The following NOX4 variants were observed in gnomAD, a reference collection of about 807,000 sequenced individuals.
The protein encoded by NOX4 is NADPH oxidase 4.
A neutral mutation model predicts 87.6 loss-of-function variants in NOX4; 69 were observed. The observed-to-expected ratio is 0.79, with a 90% CI of 0.65 to 0.96. NOX4 has a LOEUF of 0.96. NOX4 is among the 40% of genes least tolerant of loss of function. The pLI is 0.00. For synonymous variants in NOX4, 275 were observed against 238.2 expected (o/e 1.15, Z -1.42); for missense variants, 680 against 681.5 (o/e 1.00, Z 0.02).
chr11:89,393,716 A>T (rs970831421), intron 11 of NOX4, among the ~76,000 whole-genome samples: 1 of 152,158 alleles, frequency 6.6e-6, no homozygotes, highest in Non-Finnish European at 1.5e-5. Context: ...TAATATTGAC[A>T]ATATCAAAGA....
At chr11:89,346,960 A>C (rs894064649) in intron 13 of NOX4, among the ~76,000 whole-genome samples, 18 of 152,212 alleles carry the variant, frequency 1.2e-4, no homozygotes, top group Non-Finnish European at 5.9e-5. Context: ...TGCAAACATC[A>C]GTAGCATTAG....
intron 7 of NOX4, among the ~76,000 whole-genome samples, chr11:89,430,794 G>C (rs555321166): frequency 6.6e-6 from 1 of 152,290 alleles, no homozygotes; most frequent in South Asian, 2.1e-4. Context: ...GTAATTTATA[G>C]ATTCAGTTGC....
the NOX4 span, among the ~76,000 whole-genome samples, chr11:89,514,422 G>A: frequency 6.6e-6 from 1 of 151,842 alleles, no homozygotes; most frequent in African/African-American, 2.4e-5. Context: ...TTCAATATAT[G>A]TAATCAACTA....
At chr11:89,507,511 A>C in the NOX4 span, among the ~76,000 whole-genome samples, 1 of 151,594 alleles carries the variant, frequency 6.6e-6, no homozygotes, top group Non-Finnish European at 1.5e-5. Flanking sequence ...AGACTTACAT[A>C]ATATATATTG....
chr11:89,541,760 A>G, the NOX4 span, among the ~76,000 whole-genome samples: 2 of 152,240 alleles, frequency 1.3e-5, no homozygotes, highest in African/African-American at 4.8e-5. Flanking sequence ...AAGAATAAGT[A>G]AACGTCATTT....
At chr11:89,583,816 C>G in the NOX4 span, among the ~76,000 whole-genome samples, 2 of 152,094 alleles carry the variant, frequency 1.3e-5, no homozygotes, top group Non-Finnish European at 2.9e-5. Context: ...TTCCAAGGTT[C>G]ACATCTTTGT....
chr11:89,475,691 T>C (rs554780870), intron 2 of NOX4, among the ~76,000 whole-genome samples: 61 of 151,920 alleles, frequency 4.0e-4, no homozygotes, highest in Non-Finnish European at 8.1e-4. Context: ...TACAATAGAA[T>C]AGGAACAGGG....
intron 11 of NOX4, among the ~76,000 whole-genome samples, chr11:89,390,264 G>C (rs1213234781): frequency 6.6e-6 from 1 of 152,162 alleles, no homozygotes; most frequent in African/African-American, 2.4e-5. Context: ...GTAGCAGCAA[G>C]TTTGCCTATT....
chr11:89,512,905 C>T, the NOX4 span, among the ~76,000 whole-genome samples: 1 of 152,186 alleles, frequency 6.6e-6, no homozygotes, highest in East Asian at 1.9e-4. Context: ...TTGTGCACCA[C>T]TGTATGAGTA....
At chr11:89,538,101 CTT>C in the NOX4 span, among the ~76,000 whole-genome samples, 1 of 152,174 alleles carries the variant, frequency 6.6e-6, no homozygotes, top group Non-Finnish European at 1.5e-5. Flanking sequence ...TAACATGTCT[CTT>C]AGCATGGACT....
chr11:89,366,571 G>C (rs1027313544), intron 12 of NOX4, among the ~76,000 whole-genome samples: 3 of 151,782 alleles, frequency 2.0e-5, no homozygotes, highest in Non-Finnish European at 4.4e-5. Context: ...AGTTACTCAG[G>C]AGGCTGACAT....
At chr11:89,475,644 G>A (rs1277434428) in intron 2 of NOX4, among the ~76,000 whole-genome samples, 4 of 152,196 alleles carry the variant, frequency 2.6e-5, no homozygotes, top group South Asian at 2.1e-4. Context: ...AATAGGTTAG[G>A]ATGAGATGGA....
At chr11:89,535,657 T>C in the NOX4 span, among the ~76,000 whole-genome samples, 13 of 152,002 alleles carry the variant, frequency 8.6e-5, no homozygotes, top group Non-Finnish European at 1.8e-4. Flanking sequence ...CTTCCAGACA[T>C]AGGCACTGTG....
At chr11:89,510,905 C>T in the NOX4 span, among the ~76,000 whole-genome samples, 3 of 152,026 alleles carry the variant, frequency 2.0e-5, no homozygotes, top group African/African-American at 7.2e-5. Context: ...TGTAGTACAT[C>T]CTCCTCAGTA....
At position 89,405,697 on chromosome 11, in the gene NOX4, C is replaced by T. The variant is rs1473453033; in HGVS notation, c.630-3155G>A. Among the ~76,000 whole-genome samples, 27 of 146,548 alleles carry T rather than the reference C, an allele frequency of 1.8e-4. 1 individual carries two copies. In the Admixed American group the frequency reaches 1.9e-3, roughly 10 times the overall value. ...TTAGGTGGTGAAGGTACTGAAAGTT[C>T]ACTGGAAGGCAGGTTTTTAACTCAG... is the stretch of plus-strand genomic sequence containing the variant. On this transcript the variant is annotated intron_variant, in intron 8 of 17. Coordinates refer to ENST00000263317, the MANE Select transcript of NOX4 (RefSeq NM_016931.5).
the NOX4 span, among the ~76,000 whole-genome samples, chr11:89,568,002 C>G: frequency 2.1e-4 from 32 of 152,312 alleles, no homozygotes; most frequent in African/African-American, 7.0e-4. Flanking sequence ...TATCAGAGTA[C>G]TGGTGCTTGT....
chr11:89,544,304 G>A, the NOX4 span, among the ~76,000 whole-genome samples: 21 of 151,904 alleles, frequency 1.4e-4, no homozygotes, highest in Admixed American at 3.9e-4. Context: ...CCCATTTTAC[G>A]TGTTTATTTA....
chr11:89,329,346 G>C (rs1403470186), intron 17 of NOX4, among the ~76,000 whole-genome samples: 1 of 45,554 alleles, frequency 2.2e-5, no homozygotes, highest in Admixed American at 2.5e-4. Flanking sequence ...AGCCCACAGA[G>C]AAAAAAACTG....
chr11:89,439,904 C>G (rs1944382545), intron 6 of NOX4, among the ~76,000 whole-genome samples: 1 of 152,040 alleles, frequency 6.6e-6, no homozygotes, highest in South Asian at 2.1e-4. Flanking sequence ...ATGACTGTTT[C>G]TCCTCTTTGT....
Sources: allele counts gnomAD v4.1 joint callset (sites outside exome capture counted in the v4.1 genomes callset), GRCh38; gene constraint gnomAD v4.1.1; transcripts MANE v1.5; gene names NCBI Gene and HGNC (gene_info 2026-07-23, HGNC 2026-07-21).